MSI2: variants seen among roughly 807,000 people sequenced by gnomAD.
The protein encoded by MSI2 is RNA-binding protein Musashi homolog 2.
MSI2 carries 17 observed loss-of-function variants against 45.6 expected under a neutral mutation model. The observed-to-expected ratio is 0.37, with a 90% confidence interval of 0.26 to 0.56. MSI2 has a LOEUF of 0.56. MSI2 is among the 20% of genes least tolerant of loss of function. MSI2 has a pLI of 0.77. For synonymous variants in MSI2, 156 were observed against 158.2 expected (o/e 0.99, Z 0.11); for missense variants, 293 against 444.2 (o/e 0.66, Z 3.06).
intron 7 of MSI2, among the ~76,000 whole-genome samples, chr17:57,575,640 G>A (rs1370785368): frequency 6.6e-6 from 1 of 152,090 alleles, no homozygotes; most frequent in African/African-American, 2.4e-5. Context: ...CCTGGCCCAG[G>A]CTCTGGGTAG....
In MSI2 at chr17:57,331,045, C is replaced by G. The variant is rs555815929; in HGVS notation, c.312+68853C>G. ...TCTCCTGCCTCAGCCTCCCGAGTAG[C>G]TGGGATTACAGGCACGCACCACCAT... On this transcript the variant is annotated intron_variant, in intron 5 of 13. Transcript: ENST00000284073. 9.3e-4 allele frequency among the ~76,000 whole-genome samples: 142 copies of G among 152,114 alleles called. 1 individual carries two copies. The highest frequency in any genetic ancestry group is 3.4e-3 in the African/African-American group (140 of 41,478).
At chr17:57,345,484 A>G (rs564714964) in intron 5 of MSI2, among the ~76,000 whole-genome samples, 1 of 152,268 alleles carries the variant, frequency 6.6e-6, no homozygotes, top group East Asian at 1.9e-4. Context: ...CCCTTCTTAT[A>G]TAAGAGGTAG....
chr17:57,566,928 G>A (rs1397857180), intron 7 of MSI2, among the ~76,000 whole-genome samples: 1 of 152,198 alleles, frequency 6.6e-6, no homozygotes, highest in Non-Finnish European at 1.5e-5. Context: ...AATAGAAGGG[G>A]CATGTTCAAA....
chr17:57,383,565 G>T (rs1389081352), intron 5 of MSI2, among the ~76,000 whole-genome samples: 1 of 152,216 alleles, frequency 6.6e-6, no homozygotes, highest in African/African-American at 2.4e-5. Context: ...GGAGGCTGAG[G>T]CAGGAGAATC....
At chr17:57,643,514 G>T (rs913599136) in intron 10 of MSI2, among the ~76,000 whole-genome samples, 7 of 152,210 alleles carry the variant, frequency 4.6e-5, no homozygotes, top group Non-Finnish European at 8.8e-5. Context: ...CTTCCCAGTT[G>T]CAGGGAACCT....
chr17:57,270,464 C>T (rs1380170004), intron 5 of MSI2, among the ~76,000 whole-genome samples: 2 of 152,176 alleles, frequency 1.3e-5, no homozygotes, highest in African/African-American at 4.8e-5. Flanking sequence ...TGCCTGATGG[C>T]TATAAAATGC....
chr17:57,580,668 T>C (rs981402903), intron 7 of MSI2, among the ~76,000 whole-genome samples: 1 of 152,190 alleles, frequency 6.6e-6, no homozygotes, highest in Non-Finnish European at 1.5e-5. Context: ...TGGATACCCC[T>C]GTAATTCCTG....
intron 6 of MSI2, among the ~76,000 whole-genome samples, chr17:57,467,715 A>G (rs775901126): frequency 6.6e-6 from 1 of 152,100 alleles, no homozygotes; most frequent in Non-Finnish European, 1.5e-5. Flanking sequence ...CAGGACCTCT[A>G]GGACACTGGT....
intron 6 of MSI2, among the ~76,000 whole-genome samples, chr17:57,468,295 G>A (rs2085366194): frequency 1.3e-5 from 2 of 151,684 alleles, no homozygotes; most frequent in South Asian, 4.2e-4. Flanking sequence ...GGGAGGCCGA[G>A]ACGGGCAGAT....
At chr17:57,673,059 CCT>C (rs1912932357) in intron 11 of MSI2, among the ~76,000 whole-genome samples, 1 of 152,250 alleles carries the variant, frequency 6.6e-6, no homozygotes, top group African/African-American at 2.4e-5. Flanking sequence ...GAGGGGCTCA[CCT>C]TCGGGCTTCC....
intron 6 of MSI2, chr17:57,522,779 C>G (rs1051302018): frequency 6.6e-6 from 1 of 152,038 alleles, no homozygotes; most frequent in Non-Finnish European, 1.5e-5. Context: ...ATGCTTGGTG[C>G]GGCACTCCCC....
chr17:57,262,084 G>A, intron 4 of MSI2, 67 bp from the exon 5 acceptor site: 4 of 1,445,370 alleles, frequency 2.8e-6, no homozygotes, highest in Non-Finnish European at 3.9e-6. Flanking sequence ...TAATAATTAG[G>A]TGATTAATCA....
chr17:57,379,186 C>T (rs1318721481), intron 5 of MSI2, among the ~76,000 whole-genome samples: 2 of 151,216 alleles, frequency 1.3e-5, no homozygotes, highest in Non-Finnish European at 2.9e-5. Context: ...TGTGGCCCTG[C>T]TCTCAGCTCA....
intron 5 of MSI2, among the ~76,000 whole-genome samples, chr17:57,312,440 CTGG>C (rs1391295878): frequency 6.6e-6 from 1 of 152,146 alleles, no homozygotes; most frequent in Non-Finnish European, 1.5e-5. Context: ...TGCAGGCTCC[CTGG>C]GGCCCGGGTT....
At chr17:57,694,168 G>A in the MSI2 span, among the ~76,000 whole-genome samples, 1 of 152,180 alleles carries the variant, frequency 6.6e-6, no homozygotes, top group Non-Finnish European at 1.5e-5. Flanking sequence ...CTGGTCCTTT[G>A]TAGACAAAGT....
chr17:57,654,200 GCAGGGTGT>G (rs1332249360), intron 11 of MSI2, among the ~76,000 whole-genome samples: 1 of 152,224 alleles, frequency 6.6e-6, no homozygotes, highest in Non-Finnish European at 1.5e-5. Context: ...GTGCTGCCGG[GCAGGGTGT>G]GTCAGGGGCT....
chr17:57,440,200 C>G (rs1190550039), intron 6 of MSI2, among the ~76,000 whole-genome samples: 1 of 152,120 alleles, frequency 6.6e-6, no homozygotes, highest in African/African-American at 2.4e-5. Context: ...GTGCCCTGTG[C>G]TCTAATAGAG....
intron 7 of MSI2, among the ~76,000 whole-genome samples, chr17:57,536,412 C>T (rs989000199): frequency 7.9e-5 from 12 of 152,180 alleles, no homozygotes; most frequent in Non-Finnish European, 1.5e-4. Flanking sequence ...TGTAGAATCA[C>T]AGCTGGTGAT....
chr17:57,673,393 G>C (rs577036082), intron 11 of MSI2, among the ~76,000 whole-genome samples: 1 of 152,210 alleles, frequency 6.6e-6, no homozygotes, highest in Non-Finnish European at 1.5e-5. Flanking sequence ...TAGGGCAGAG[G>C]GGGAGAAGCC....
Sources: allele counts gnomAD v4.1 joint callset (sites outside exome capture counted in the v4.1 genomes callset), GRCh38; gene constraint gnomAD v4.1.1; transcripts MANE v1.5; gene names NCBI Gene and HGNC (gene_info 2026-07-23, HGNC 2026-07-21).